The following WRN variants were observed in gnomAD, a reference collection of about 807,000 sequenced individuals.
The protein encoded by WRN is WRN RecQ like helicase, also known as bifunctional 3'-5' exonuclease/ATP-dependent helicase WRN.
Under a neutral mutation model 180.7 loss-of-function variants are expected in WRN, and 149 were observed. The ratio of observed to expected loss-of-function variants is 0.82; its 90% CI spans 0.72 to 0.94. The LOEUF is 0.94. WRN is among the 40% of genes least tolerant of loss of function. WRN has a pLI of 0.00. For synonymous variants in WRN, 548 were observed against 568.9 expected, an observed-to-expected ratio of 0.96 and a Z score of 0.52; for missense variants, 1,661 against 1,700.1, an observed-to-expected ratio of 0.98 and a Z score of 0.40.
chr8:31,100,150 A>C (rs1214295882), intron 17 of WRN, among the ~76,000 whole-genome samples: 1 of 152,206 alleles, frequency 6.6e-6, no homozygotes, highest in Non-Finnish European at 1.5e-5. Flanking sequence ...ATCTGAAAAC[A>C]TTGTCACGGA....
chr8:31,125,358 T>G (rs2130346224), intron 23 of WRN, among the ~76,000 whole-genome samples: 1 of 150,892 alleles, frequency 6.6e-6, no homozygotes. Flanking sequence ...AATGAAACAT[T>G]ACATTCCATG....
intron 8 of WRN, among the ~76,000 whole-genome samples, chr8:31,076,867 A>G (rs1813113206): frequency 1.3e-5 from 2 of 152,206 alleles, no homozygotes; most frequent in Admixed American, 1.3e-4. Context: ...CAAATGTTAT[A>G]CAGATTAATA....
intron 5 of WRN, 131 bp downstream of exon 5, chr8:31,065,194 T>G (rs1378987921): frequency 1.1e-6 from 1 of 909,526 alleles, no homozygotes; most frequent in Admixed American, 3.0e-5. Context: ...AATAAAAAAG[T>G]TCCAAGTGAA....
In WRN at chr8:31,154,643, C is replaced by T. The variant is rs140064662; in HGVS notation, c.3707C>T (p.Thr1236Ile). 1.9e-6 allele frequency: 3 copies of T among 1,612,798 alleles called. No homozygotes were observed. Among genetic ancestry groups the T allele is most frequent in the Non-Finnish European group, 2.5e-6 (3 of 1,179,380 alleles). The change falls in exon 32 of 35, where the codon ACA becomes ATA. Residue 1236 changes from threonine (T) to isoleucine (I), a missense_variant. Thr to Ile is a moderately conservative substitution (Grantham distance 89, BLOSUM62 -1). This residue lies in a region of WRN where 1,141 missense variants were observed against 1,149.4 expected (regional missense o/e 0.99). Coordinates refer to ENST00000298139, the MANE Select transcript of WRN (RefSeq NM_000553.6). Reference sequence around the variant, plus strand: ...CTGTAGACAGACCTCTTTTCAAGTACAAAACCTCAAGAAGAACAGAAGACG... The same window carrying T: ...CTGTAGACAGACCTCTTTTCAAGTATAAAACCTCAAGAAGAACAGAAGACG... ...NSVQTDLFSS[T>I]KPQEEQKTSL...
At position 31,154,735 on chromosome 8, in the gene WRN, C is replaced by T. The variant is rs757950531; in HGVS notation, c.3799C>T (p.Gln1267Ter). The change falls in exon 32 of 35, where the codon CAA becomes TAA. Residue 1267 changes from glutamine to a stop codon, truncating the protein, a stop_gained. Coordinates refer to ENST00000298139, the MANE Select transcript of WRN (RefSeq NM_000553.6). LOFTEE classifies it high-confidence loss of function. ...QSMAITYSLF[Q>*]EKKMPLKSIA... ...TATGGCCATCACATACTCTTTATTC[C>T]AAGAAAAGAAGATGCCTTTGGTAAG... 2 of 1,613,350 alleles carry T rather than the reference C, an allele frequency of 1.2e-6. No homozygotes were observed. The highest frequency in any genetic ancestry group is 2.2e-5 in the East Asian group (1 of 44,740).
intron 24 of WRN, among the ~76,000 whole-genome samples, chr8:31,132,839 A>G (rs1462356972): frequency 6.6e-6 from 1 of 152,232 alleles, no homozygotes; most frequent in Non-Finnish European, 1.5e-5. Context: ...CATTGTATCA[A>G]GGGACAGGTA....
At chr8:31,154,167 G>A (rs1803269712) in intron 31 of WRN, among the ~76,000 whole-genome samples, 1 of 151,772 alleles carries the variant, frequency 6.6e-6, no homozygotes, top group Non-Finnish European at 1.5e-5. Flanking sequence ...TAGTTGGGAT[G>A]TATCATTTAA....
rs749671315 is a variant in WRN at position 31,083,791 on chromosome 8, A to G, written c.1350+12A>G. The G allele has an allele frequency of 7.2e-6, 9 of 1,254,254 alleles. No individual in the cohort carries two copies. In the East Asian group the frequency reaches 1.4e-4, roughly 20 times the overall value. The allele number at this position is 1,254,254 out of a possible 1,614,324, so 77.7% of individuals were successfully genotyped here. A position where few individuals can be genotyped will look rare whatever the true frequency, so the allele number is the denominator to read the frequency against. ...TGGAGATGCTTAAGGTATGTTTACA[A>G]TTATAAAAATATTACTTCAAGTTCT... On this transcript the variant is annotated intron_variant, in intron 10 of 34. Transcript: ENST00000298139.
In WRN at chr8:31,085,167, A is replaced by G. The variant is rs2130140205; in HGVS notation, c.1352A>G (p.His451Arg). 3 of 1,612,878 alleles carry G rather than the reference A, an allele frequency of 1.9e-6. No individual in the cohort carries two copies. Among genetic ancestry groups the G allele is most frequent in the Non-Finnish European group, 2.5e-6 (3 of 1,179,334 alleles). Residue 451 changes from histidine to arginine, a missense_variant and splice_region_variant, in exon 11 of 35, where the codon CAT (histidine) becomes CGT (arginine). Coordinates refer to ENST00000298139, the MANE Select transcript of WRN (RefSeq NM_000553.6). Reference sequence around the variant, plus strand: ...AATGCTTAATACTTTTTTTTAAAGCATTTATCTCCCAATGATAATGAAAAC... The same window carrying G: ...AATGCTTAATACTTTTTTTTAAAGCGTTTATCTCCCAATGATAATGAAAAC... ...DEDLEMEMLKHLSPNDNENDT... is the reference protein window; with the variant it reads ...DEDLEMEMLKRLSPNDNENDT...
chr8:31,162,231 T>C (rs1803653612), intron 33 of WRN, among the ~76,000 whole-genome samples: 1 of 152,244 alleles, frequency 6.6e-6, no homozygotes, highest in Admixed American at 6.5e-5. Flanking sequence ...ACAAATATAT[T>C]TTCTTTATAT....
At chr8:31,120,164 A>AT in intron 20 of WRN, 79 bp from the exon 21 acceptor site, 1 of 1,559,666 alleles carries the variant, frequency 6.4e-7, no homozygotes, top group South Asian at 1.1e-5. Flanking sequence ...CGAACAAATT[A>AT]TTCTTACAAA....
At chr8:31,113,712 C>T (rs1028230932) in intron 19 of WRN, among the ~76,000 whole-genome samples, 7 of 152,128 alleles carry the variant, frequency 4.6e-5, no homozygotes, top group African/African-American at 1.2e-4. Context: ...GGTTTTCTGA[C>T]GTCCTGGTCC....
intron 7 of WRN, among the ~76,000 whole-genome samples, chr8:31,075,261 A>C (rs937723427): frequency 6.6e-6 from 1 of 152,150 alleles, no homozygotes; most frequent in Non-Finnish European, 1.5e-5. Flanking sequence ...CTCAGAGGAG[A>C]TGGGCTTTTG....
At chr8:31,038,776 T>C (rs1811541037) in intron 1 of WRN, among the ~76,000 whole-genome samples, 1 of 152,202 alleles carries the variant, frequency 6.6e-6, no homozygotes, top group African/African-American at 2.4e-5. Flanking sequence ...GGGGTCCAAC[T>C]TCACTCTTTT....
intron 10 of WRN, among the ~76,000 whole-genome samples, chr8:31,084,095 C>T (rs1472909263): frequency 6.6e-6 from 1 of 152,090 alleles, no homozygotes; most frequent in East Asian, 1.9e-4. Flanking sequence ...ACCTCCTGGG[C>T]TCAAGTGATC....
At chr8:31,043,150 A>G (rs531144711) in intron 1 of WRN, among the ~76,000 whole-genome samples, 7 of 152,328 alleles carry the variant, frequency 4.6e-5, no homozygotes, top group South Asian at 2.1e-4. Flanking sequence ...GCCCTCTTCT[A>G]TGAAAACACC....
Position 31,058,494 on chromosome 8 carries a change from C to T in WRN, c.47C>T (p.Pro16Leu), listed in dbSNP as rs1273920483. Residue 16 changes from proline to leucine, a missense_variant, in exon 2 of 35, where the codon CCT (proline) becomes CTT (leucine). Physicochemically the swap from Pro to Leu is moderately conservative, Grantham distance 98 (BLOSUM62 -3). Coordinates refer to ENST00000298139, the MANE Select transcript of WRN (RefSeq NM_000553.6). ...ACAACTGCACAGCAGCGGAAATGTCCTGAATGGATGAATGTGCAGAATAAA... is the reference window on the plus strand; with the variant it reads ...ACAACTGCACAGCAGCGGAAATGTCTTGAATGGATGAATGTGCAGAATAAA... ...LETTAQQRKC[P>L]EWMNVQNKRC... 1.2e-6 allele frequency: 2 copies of T among 1,613,732 alleles called. No homozygotes were observed. Among genetic ancestry groups the T allele is most frequent in the Non-Finnish European group, 1.7e-6 (2 of 1,179,840 alleles).
chr8:31,143,875 A>G (rs377535130), intron 28 of WRN, among the ~76,000 whole-genome samples: 2 of 152,142 alleles, frequency 1.3e-5, no homozygotes, highest in East Asian at 3.9e-4. Context: ...GTGATATCTC[A>G]TTTAATTCTT....
At chr8:31,059,318 C>A in intron 3 of WRN, 53 bp downstream of exon 3, 2 of 1,419,118 alleles carry the variant, frequency 1.4e-6, no homozygotes, top group South Asian at 1.1e-5. Context: ...TTAGAAGGTA[C>A]TATTATGGTA....
Sources: gnomAD v4.1 joint callset for allele counts (sites outside exome capture counted in the v4.1 genomes callset) on GRCh38, gnomAD v4.1.1 for gene constraint, gnomAD v4.1.1 regional missense constraint, MANE v1.5 for transcripts, NCBI Gene and HGNC (gene_info 2026-07-23, HGNC 2026-07-21) for gene names.